ZNF106: variants seen among roughly 807,000 people sequenced by gnomAD.
The protein encoded by ZNF106 is SH3-domain binding protein 3.
A neutral mutation model predicts 195.1 loss-of-function variants in ZNF106; 67 were observed. That is an observed-to-expected ratio of 0.34 (90% CI 0.28 to 0.42). The LOEUF is 0.42. Among genes scored for constraint, ZNF106 ranks in the 10% least tolerant of loss-of-function variants. The probability of loss-of-function intolerance (pLI) is 1.00; values close to 1 mark genes in which losing one functional copy is unlikely to be tolerated. For synonymous variants in ZNF106, 784 were observed against 818.6 expected (o/e 0.96, Z 0.72); for missense variants, 2,118 against 2,304.5 (o/e 0.92, Z 1.66).
At chr15:42,444,611 A>G (rs1595461109) in intron 8 of ZNF106, among the ~76,000 whole-genome samples, 2 of 152,052 alleles carry the variant, frequency 1.3e-5, no homozygotes, top group South Asian at 4.2e-4. Context: ...CTCTGTAAGT[A>G]AGCTCTCCTA....
chr15:42,490,224 T>C (rs1368103198), intron 1 of ZNF106: 1 of 148,112 alleles, frequency 6.8e-6, no homozygotes, highest in Non-Finnish European at 1.5e-5. Flanking sequence ...AGCGAAACTT[T>C]GTCTCAAAAA....
chr15:42,439,163 C>A lies in ZNF106; in HGVS notation c.4414G>T (p.Asp1472Tyr). 1 of 1,613,986 alleles carries A rather than the reference C, an allele frequency of 6.2e-7. No homozygotes were observed. The highest frequency in any genetic ancestry group is 8.5e-7 in the Non-Finnish European group (1 of 1,180,006). Residue 1472 changes from aspartate to tyrosine, a missense_variant, in exon 11 of 22, where the codon GAC becomes TAC. Transcript: ENST00000564754. ...DSSESGEEKPDSPSKKDIWNS... is the reference protein window; with the variant it reads ...DSSESGEEKPYSPSKKDIWNS... ...CAAATATCCTTTTTAGATGGGCTGT[C>A]TGGTTTCTCTTCTCCTGATTCTGAA...
At chr15:42,453,236 G>A (rs897763793) in intron 4 of ZNF106, among the ~76,000 whole-genome samples, 2 of 152,158 alleles carry the variant, frequency 1.3e-5, no homozygotes, top group Admixed American at 6.5e-5. Flanking sequence ...GAGACAGTAA[G>A]GTCACAAACA....
chr15:42,422,688 A>G lies in ZNF106; in HGVS notation c.5254-68T>C, dbSNP rs141118704. ...GACTCCTTCCTGGTTATAATTCTAT[A>G]ATTCTAAGAGGCATAATTCTGAGGA... On this transcript the variant is annotated intron_variant, in intron 17 of 21. Transcript: ENST00000564754. The G allele has an allele frequency of 1.8e-4, 265 of 1,510,744 alleles. 1 individual carries two copies. In the East Asian group the frequency reaches 5.6e-3, roughly 32 times the overall value. The allele number at this position is 1,510,744 out of a possible 1,614,324, so 93.6% of individuals were successfully genotyped here.
In ZNF106 at chr15:42,451,694, C is replaced by T. The variant is rs953708087; in HGVS notation, c.578G>A (p.Gly193Asp). 1.9e-6 allele frequency: 3 copies of T among 1,614,214 alleles called. No homozygotes were observed. The highest frequency in any genetic ancestry group is 2.5e-6 in the Non-Finnish European group (3 of 1,180,036). Reference sequence around the variant, plus strand: ...ATGGTTGTGAAACCAAGTCGAGGAGCCTCCTGCAACACCCTTATGCCACCC... The same window carrying T: ...ATGGTTGTGAAACCAAGTCGAGGAGTCTCCTGCAACACCCTTATGCCACCC... ...RSGWHKGVAGGSSTWFHNHSN... is the reference protein window; with the variant it reads ...RSGWHKGVAGDSSTWFHNHSN... The change falls in exon 5 of 22, where the codon GGC becomes GAC. Residue 193 changes from glycine to aspartate, a missense_variant. Coordinates refer to ENST00000564754, the MANE Select transcript of ZNF106 (RefSeq NM_001366845.3).
intron 3 of ZNF106, among the ~76,000 whole-genome samples, chr15:42,461,486 T>G (rs113912718): frequency 0.057 from 8,727 of 152,336 alleles, 362 homozygotes; most frequent in South Asian, 0.13. Context: ...TTATTAAGCT[T>G]GCTCTAACTA....
intron 15 of ZNF106, 53 bp downstream of exon 15, chr15:42,427,965 C>G (rs1313144106): frequency 1.4e-6 from 2 of 1,465,436 alleles, no homozygotes; most frequent in African/African-American, 2.8e-5. Flanking sequence ...CACACATGCT[C>G]ACACTGTTTT....
At chr15:42,462,230 C>T (rs753846569) in intron 3 of ZNF106, among the ~76,000 whole-genome samples, 7 of 152,124 alleles carry the variant, frequency 4.6e-5, no homozygotes, top group Admixed American at 6.6e-5. Context: ...GAAAAGAACA[C>T]ATTACAGAAC....
At chr15:42,472,038 T>A (rs2056681269) in intron 2 of ZNF106, among the ~76,000 whole-genome samples, 198 bp downstream of exon 2, 1 of 152,188 alleles carries the variant, frequency 6.6e-6, no homozygotes, top group African/African-American at 2.4e-5. Flanking sequence ...ATACAGGTAC[T>A]GGCTTTAGGA....
At chr15:42,485,314 T>C (rs967190784) in intron 1 of ZNF106, among the ~76,000 whole-genome samples, 1 of 152,146 alleles carries the variant, frequency 6.6e-6, no homozygotes, top group Non-Finnish European at 1.5e-5. Flanking sequence ...TTATAAGTAA[T>C]ACATATGTTA....
chr15:42,437,295 C>G lies in ZNF106; in HGVS notation c.4683G>C (p.Gln1561His), dbSNP rs1272669775. 2.5e-6 allele frequency: 4 copies of G among 1,614,148 alleles called. No homozygotes were observed. Among genetic ancestry groups the G allele is most frequent in the Non-Finnish European group, 3.4e-6 (4 of 1,180,020 alleles). The stretch of plus-strand genomic sequence containing the variant: ...AGGTATATAGCAAGTTCCCAAATAT[C>G]TGAATTGCATTTACGGCAGCTTGGT... ...EGHQAAVNAI[Q>H]IFGNLLYTCS... Residue 1561 changes from glutamine (Q) to histidine (H), a missense_variant, in exon 13 of 22, where the codon CAG becomes CAC. Physicochemically the swap from Gln to His is conservative, Grantham distance 24. Coordinates refer to ENST00000564754, the MANE Select transcript of ZNF106 (RefSeq NM_001366845.3).
At chr15:42,437,179 T>A in intron 13 of ZNF106, 53 bp downstream of exon 13, 1 of 1,565,230 alleles carries the variant, frequency 6.4e-7, no homozygotes. Flanking sequence ...AAGTATAAAC[T>A]GGATTTTCCA....
At chr15:42,440,884 G>A (rs932526414) in intron 10 of ZNF106, among the ~76,000 whole-genome samples, 7 of 148,078 alleles carry the variant, frequency 4.7e-5, no homozygotes, top group African/African-American at 1.7e-4. Context: ...TCGGGAGGCT[G>A]AGACAGGACA....
intron 20 of ZNF106, among the ~76,000 whole-genome samples, chr15:42,418,565 G>C (rs2054542057): frequency 1.1e-5 from 1 of 88,976 alleles, no homozygotes; most frequent in Non-Finnish European, 2.2e-5. Flanking sequence ...TTTTAGTAAA[G>C]ACAGGGTTTC....
chr15:42,423,242 C>T (rs780807652), intron 17 of ZNF106, among the ~76,000 whole-genome samples: 4 of 152,026 alleles, frequency 2.6e-5, no homozygotes, highest in Non-Finnish European at 5.9e-5. Flanking sequence ...TGGAGGCTCA[C>T]GCCATTAGTC....
At chr15:42,427,889 G>GT (rs2141278135) in intron 15 of ZNF106, 129 bp downstream of exon 15, 1 of 680,876 alleles carries the variant, frequency 1.5e-6, no homozygotes, top group African/African-American at 1.8e-5. Context: ...CTGTGTTTGA[G>GT]TAGTGGCTAA....
At chr15:42,462,329 G>A (rs1055713779) in intron 3 of ZNF106, among the ~76,000 whole-genome samples, 16 of 152,196 alleles carry the variant, frequency 1.1e-4, no homozygotes, top group Admixed American at 3.3e-4. Flanking sequence ...CAGGCGCGGT[G>A]GCTCACGCCT....
chr15:42,472,807 A>G (rs927305815), intron 1 of ZNF106, among the ~76,000 whole-genome samples: 4 of 152,030 alleles, frequency 2.6e-5, no homozygotes, highest in African/African-American at 4.8e-5. Flanking sequence ...GTCAGGAGTT[A>G]GAGACCAGCC....
rs532644527 is a variant in ZNF106 at position 42,473,124 on chromosome 15, A to G, written c.-32-803T>C. ...AAAACCGGAAACTTTTTGGGTGTCAACATGATGCTCAAAGGAAATGCCCGC... is the reference window on the plus strand; with the variant it reads ...AAAACCGGAAACTTTTTGGGTGTCAGCATGATGCTCAAAGGAAATGCCCGC... On this transcript the variant is annotated intron_variant, in intron 1 of 21. Coordinates refer to ENST00000564754, the MANE Select transcript of ZNF106 (RefSeq NM_001366845.3). Among the ~76,000 whole-genome samples the G allele has an allele frequency of 2.6e-5, 4 of 152,304 alleles. No individual in the cohort carries two copies. In the East Asian group the frequency reaches 7.7e-4, roughly 29 times the overall value.
Sources: allele counts gnomAD v4.1 joint callset (sites outside exome capture counted in the v4.1 genomes callset), GRCh38; gene constraint gnomAD v4.1.1; transcripts MANE v1.5; gene names NCBI Gene and HGNC (gene_info 2026-07-23, HGNC 2026-07-21).